The following SETD5 variants were observed in gnomAD, a reference collection of about 807,000 sequenced individuals.
SETD5 encodes histone-lysine N-methyltransferase SETD5.
Under a neutral mutation model 153.3 loss-of-function variants are expected in SETD5, and 44 were observed. The observed-to-expected ratio is 0.29, with a 90% CI of 0.23 to 0.37. The LOEUF is 0.37. Ranked by LOEUF, SETD5 falls within the 10% of genes least tolerant of loss-of-function variation. SETD5 has a pLI of 1.00. For missense variants in SETD5, 1,544 were observed against 1,768.0 expected (o/e 0.87, Z 2.27); for synonymous variants, 716 against 645.2 (o/e 1.11, Z -1.66).
chr3:9,408,621 C>T (rs9862783), intron 1 of SETD5, among the ~76,000 whole-genome samples: 2,597 of 152,196 alleles, frequency 0.017, 76 homozygotes, highest in African/African-American at 0.058. Flanking sequence ...ACAACCTCCC[C>T]CCACCTGTAT....
At chr3:9,411,590 T>C (rs972256102) in intron 1 of SETD5, among the ~76,000 whole-genome samples, 2 of 152,234 alleles carry the variant, frequency 1.3e-5, no homozygotes, top group African/African-American at 4.8e-5. Context: ...AGTTTAATTC[T>C]TTGGTCTAAT....
chr3:9,425,577 T>G (rs1030577276), intron 2 of SETD5, among the ~76,000 whole-genome samples: 6 of 105,958 alleles, frequency 5.7e-5, no homozygotes, highest in Admixed American at 2.7e-4. Context: ...AAACTGTACT[T>G]TTTTTTTTTT....
chr3:9,400,849 A>G (rs1575131451), intron 1 of SETD5, among the ~76,000 whole-genome samples: 1 of 152,234 alleles, frequency 6.6e-6, no homozygotes, highest in African/African-American at 2.4e-5. Context: ...ACTCCTGAAC[A>G]TTAGGATGAT....
intron 9 of SETD5, 135 bp from the exon 10 acceptor site, chr3:9,441,989 GACAA>G (rs1298972804): frequency 4.1e-6 from 3 of 731,680 alleles, no homozygotes; most frequent in Non-Finnish European, 6.7e-6. Flanking sequence ...ATCAAAAGCA[GACAA>G]ACGTGATGCT....
intron 1 of SETD5, among the ~76,000 whole-genome samples, chr3:9,414,894 A>G (rs2125568055): frequency 6.6e-6 from 1 of 152,204 alleles, no homozygotes; most frequent in South Asian, 2.1e-4. Flanking sequence ...AGTAATGTTC[A>G]GGATTTGGAA....
intron 16 of SETD5, among the ~76,000 whole-genome samples, chr3:9,452,949 C>T (rs1306622337): frequency 6.6e-6 from 1 of 152,078 alleles, no homozygotes; most frequent in East Asian, 1.9e-4. Context: ...AACACAATTA[C>T]AGGTAAGAAA....
In SETD5 at chr3:9,434,515, CT is replaced by C; in HGVS notation, c.329+31del. On this transcript the variant is annotated intron_variant, in intron 5 of 22. Coordinates refer to ENST00000402198, the MANE Select transcript of SETD5 (RefSeq NM_001080517.3). This position sits in a 1 kb window ranked among gnomAD's most constrained non-coding sequence, Gnocchi z 5.6. The stretch of plus-strand genomic sequence containing the variant: ...GATCCTGTTCCATCTAAATTTAAGT[CT>C]GGGTTGCTGGGATTAGGGTTTCTTA... 3 of 1,613,160 alleles carry C rather than the reference CT, an allele frequency of 1.9e-6. No homozygotes were observed. The highest frequency in any genetic ancestry group is 2.5e-6 in the Non-Finnish European group (3 of 1,179,392).
intron 3 of SETD5, chr3:9,430,779 T>A (rs1559392026): frequency 1.0e-6 from 1 of 966,974 alleles, no homozygotes; most frequent in Non-Finnish European, 1.2e-6. Flanking sequence ...TGCCCGTAAA[T>A]ACTGCTGGGG....
chr3:9,470,304 A>G (rs1232800333), intron 18 of SETD5, among the ~76,000 whole-genome samples, 155 bp from the exon 19 acceptor site: 4 of 152,208 alleles, frequency 2.6e-5, no homozygotes, highest in Non-Finnish European at 4.4e-5. Flanking sequence ...CACTGTTGCT[A>G]CGTGGGACTT....
chr3:9,445,988 T>TTTTTTTTTTTTTTTTTTA (rs1260243657), intron 13 of SETD5, among the ~76,000 whole-genome samples: 3 of 145,618 alleles, frequency 2.1e-5, no homozygotes, highest in African/African-American at 7.8e-5. Context: ...TTTTTTTTTT[T>TTTTTTTTTTTTTTTTTTA]ACTAACAATC....
At chr3:9,463,091 C>T (rs757552827) in intron 17 of SETD5, among the ~76,000 whole-genome samples, 1 of 152,216 alleles carries the variant, frequency 6.6e-6, no homozygotes, top group African/African-American at 2.4e-5. Flanking sequence ...GCAGTCTCAA[C>T]TCGCTGCAAC....
At chr3:9,436,174 G>T (rs557903756) in intron 7 of SETD5, among the ~76,000 whole-genome samples, 22 of 152,072 alleles carry the variant, frequency 1.4e-4, no homozygotes, top group Admixed American at 1.4e-3. Flanking sequence ...GCACAATCCC[G>T]TATGTGTTGC....
chr3:9,436,609 T>C (rs2125119709), intron 7 of SETD5, among the ~76,000 whole-genome samples: 1 of 152,344 alleles, frequency 6.6e-6, no homozygotes, highest in African/African-American at 2.4e-5. Context: ...AGATGCATGC[T>C]CTTCCCTGTT....
At chr3:9,403,732 T>C (rs1013605170) in intron 1 of SETD5, among the ~76,000 whole-genome samples, 3 of 152,186 alleles carry the variant, frequency 2.0e-5, no homozygotes, top group Non-Finnish European at 4.4e-5. Flanking sequence ...TTGCATCCAG[T>C]TTATTAAGAC....
At chr3:9,398,833 A>G (rs143350741) in intron 1 of SETD5, among the ~76,000 whole-genome samples, 2 of 152,298 alleles carry the variant, frequency 1.3e-5, no homozygotes, top group African/African-American at 2.4e-5. Context: ...TTCTATGCTA[A>G]TTGATTCTAT....
chr3:9,466,102 C>T (rs1436135384), intron 18 of SETD5, among the ~76,000 whole-genome samples: 3 of 151,928 alleles, frequency 2.0e-5, no homozygotes, highest in African/African-American at 7.3e-5. Flanking sequence ...TCCTGGCTAA[C>T]GTGGTGAAAC....
In SETD5 at chr3:9,434,414, A is replaced by G; in HGVS notation, c.258A>G (p.Gly86=). 6.2e-7 allele frequency: 1 copy of G among 1,613,956 alleles called. No individual in the cohort carries two copies. The highest frequency in any genetic ancestry group is 8.5e-7 in the Non-Finnish European group (1 of 1,179,888). Residue 86 remains glycine, a synonymous_variant, in exon 5 of 23, where the codon GGA becomes GGG. Transcript: ENST00000402198. This position sits in a 1 kb window ranked among gnomAD's most constrained non-coding sequence, Gnocchi z 5.6. ...ERCGDSPNSE[G]ETVPTWCPCG... The stretch of plus-strand genomic sequence containing the variant: ...GTGGAGACAGCCCGAACTCTGAAGG[A>G]GAAACTGTACCTACCTGGTGTCCTT...
chr3:9,439,579 T>G (rs1244202932), intron 7 of SETD5, among the ~76,000 whole-genome samples: 1 of 152,210 alleles, frequency 6.6e-6, no homozygotes, highest in African/African-American at 2.4e-5. Flanking sequence ...TGATGGCACT[T>G]AAGTCTTGAA....
chr3:9,440,666 T>G lies in SETD5; in HGVS notation c.778T>G (p.Cys260Gly). The G allele has an allele frequency of 6.2e-7, 1 of 1,613,610 alleles. No homozygotes were observed. Residue 260 changes from cysteine (C) to glycine (G), a missense_variant, in exon 8 of 23, where the codon TGT becomes GGT. By Grantham distance (159) the Cys-to-Gly change is radical. Coordinates refer to ENST00000402198, the MANE Select transcript of SETD5 (RefSeq NM_001080517.3). Reference sequence around the variant, plus strand: ...CACTATTAATAAGACTGAATTGGCCTGTAATAACACAGTTATTGGTTCCCA... The same window carrying G: ...CACTATTAATAAGACTGAATTGGCCGGTAATAACACAGTTATTGGTTCCCA... Reference protein sequence around the residue: ...LDTINKTELACNNTVIGSQMQ... With the variant: ...LDTINKTELAGNNTVIGSQMQ...
Sources: allele counts gnomAD v4.1 joint callset (sites outside exome capture counted in the v4.1 genomes callset), GRCh38; gene constraint gnomAD v4.1.1; non-coding constraint Gnocchi (gnomAD v3.1); transcripts MANE v1.5; gene names NCBI Gene and HGNC (gene_info 2026-07-23, HGNC 2026-07-21).